The following NLGN1 variants were observed in gnomAD, a reference collection of about 807,000 sequenced individuals.
The protein encoded by NLGN1 is neuroligin 1, also known as neuroligin-1.
NLGN1 carries 12 observed loss-of-function variants against 65.5 expected under a neutral mutation model. The ratio of observed to expected loss-of-function variants is 0.18; its 90% CI spans 0.12 to 0.30. NLGN1 has a LOEUF of 0.30. NLGN1 is among the 10% of genes least tolerant of loss of function. The pLI is 1.00. For missense variants in NLGN1, 750 were observed against 1,007.1 expected (o/e 0.74, Z 3.46); for synonymous variants, 350 against 359.5 (o/e 0.97, Z 0.30).
At chr3:173,774,251 T>G (rs1415881939) in intron 3 of NLGN1, among the ~76,000 whole-genome samples, 1 of 152,224 alleles carries the variant, frequency 6.6e-6, no homozygotes, top group Non-Finnish European at 1.5e-5. Flanking sequence ...GCAAGAAATG[T>G]CAGTGGCTCA....
chr3:173,523,520 C>T (rs1735123490), intron 2 of NLGN1, among the ~76,000 whole-genome samples: 1 of 151,578 alleles, frequency 6.6e-6, no homozygotes, highest in African/African-American at 2.4e-5. Flanking sequence ...ATATCCTTTT[C>T]CCATTGTTTA....
chr3:174,116,083 C>G (rs1369500360), intron 4 of NLGN1, among the ~76,000 whole-genome samples: 1 of 152,008 alleles, frequency 6.6e-6, no homozygotes, highest in Non-Finnish European at 1.5e-5. Context: ...CATTCAATTC[C>G]CAAATCCCAT....
intron 4 of NLGN1, among the ~76,000 whole-genome samples, chr3:173,852,159 A>G (rs1727060021): frequency 6.6e-6 from 1 of 151,582 alleles, no homozygotes; most frequent in South Asian, 2.1e-4. Context: ...GATCGAGACC[A>G]TCCTGGCTAA....
chr3:174,085,454 T>A (rs1743044131), intron 4 of NLGN1, among the ~76,000 whole-genome samples: 1 of 152,052 alleles, frequency 6.6e-6, no homozygotes, highest in Non-Finnish European at 1.5e-5. Flanking sequence ...ACTTCATTCT[T>A]ACCCATTAGT....
intron 2 of NLGN1, among the ~76,000 whole-genome samples, chr3:173,517,747 AATTTATCTATCT>A (rs1219288196): frequency 8.6e-6 from 1 of 116,058 alleles, no homozygotes; most frequent in African/African-American, 3.1e-5. Flanking sequence ...TGCTTTCGCA[AATTTATCTATCT>A]ATCTATCTAT....
intron 4 of NLGN1, among the ~76,000 whole-genome samples, chr3:174,034,618 G>A (rs1730729660): frequency 6.6e-6 from 1 of 152,032 alleles, no homozygotes; most frequent in African/African-American, 2.4e-5. Flanking sequence ...TTTGAAGGTA[G>A]ACATCGATTA....
At chr3:174,143,556 A>G (rs1282547570) in intron 4 of NLGN1, among the ~76,000 whole-genome samples, 2 of 152,194 alleles carry the variant, frequency 1.3e-5, no homozygotes, top group Non-Finnish European at 2.9e-5. Context: ...CCAGCAAAAA[A>G]GACTTCTATT....
chr3:174,043,133 A>G (rs1281484764), intron 4 of NLGN1, among the ~76,000 whole-genome samples: 2 of 152,162 alleles, frequency 1.3e-5, no homozygotes, highest in African/African-American at 4.8e-5. Context: ...AGTATAAGGG[A>G]AGCTTTTCCC....
At chr3:173,661,519 G>T (rs1409682269) in intron 3 of NLGN1, among the ~76,000 whole-genome samples, 2 of 151,974 alleles carry the variant, frequency 1.3e-5, no homozygotes, top group African/African-American at 4.8e-5. Flanking sequence ...AGTGGTAAGC[G>T]AGATTATAGA....
At chr3:173,611,047 G>A (rs1021824616) in intron 3 of NLGN1, among the ~76,000 whole-genome samples, 1 of 151,954 alleles carries the variant, frequency 6.6e-6, no homozygotes, top group Non-Finnish European at 1.5e-5. Flanking sequence ...TGAATTAAAG[G>A]AAGGAACGTG....
At chr3:173,715,343 C>T (rs889840889) in intron 3 of NLGN1, among the ~76,000 whole-genome samples, 1 of 152,106 alleles carries the variant, frequency 6.6e-6, no homozygotes, top group African/African-American at 2.4e-5. Context: ...GGAATATTTC[C>T]ACTTGAAATG....
intron 4 of NLGN1, among the ~76,000 whole-genome samples, chr3:173,811,645 G>A (rs959602692): frequency 6.6e-6 from 1 of 151,550 alleles, no homozygotes; most frequent in African/African-American, 2.4e-5. Flanking sequence ...TTAAAGGGGG[G>A]AAATAATCAA....
chr3:173,485,835 A>G (rs1042981545), intron 2 of NLGN1, among the ~76,000 whole-genome samples: 1 of 152,120 alleles, frequency 6.6e-6, no homozygotes, highest in Non-Finnish European at 1.5e-5. Context: ...AAATAACAAT[A>G]TTTAGTTTTT....
At chr3:173,591,886 C>T (rs1428606983) in intron 2 of NLGN1, among the ~76,000 whole-genome samples, 1 of 152,116 alleles carries the variant, frequency 6.6e-6, no homozygotes, top group African/African-American at 2.4e-5. Flanking sequence ...TGACTTGTGA[C>T]CCAAAGGTGG....
At chr3:174,083,748 C>A (rs1421327230) in intron 4 of NLGN1, among the ~76,000 whole-genome samples, 1 of 151,952 alleles carries the variant, frequency 6.6e-6, no homozygotes, top group Non-Finnish European at 1.5e-5. Context: ...ATGCTAATAC[C>A]CGGCTAATAT....
At chr3:174,129,833 T>A (rs1045257665) in intron 4 of NLGN1, among the ~76,000 whole-genome samples, 32 of 152,224 alleles carry the variant, frequency 2.1e-4, no homozygotes, top group African/African-American at 6.5e-4. Context: ...GGGTCCTAAG[T>A]ATAATTTTTC....
At chr3:174,242,385 T>TCA (rs397804057) in intron 4 of NLGN1, among the ~76,000 whole-genome samples, 2 of 151,432 alleles carry the variant, frequency 1.3e-5, no homozygotes, top group African/African-American at 4.9e-5. Context: ...AGAGTGAGAC[T>TCA]GTCTCACAAA....
At chr3:173,488,350 T>C (rs1020734871) in intron 2 of NLGN1, among the ~76,000 whole-genome samples, 2 of 152,052 alleles carry the variant, frequency 1.3e-5, no homozygotes, top group African/African-American at 4.8e-5. Context: ...TTTTTCTCTA[T>C]GTGGACATAT....
At chr3:173,872,624 C>T (rs924146356) in intron 4 of NLGN1, among the ~76,000 whole-genome samples, 11 of 152,118 alleles carry the variant, frequency 7.2e-5, no homozygotes, top group Non-Finnish European at 1.3e-4. Context: ...CCCCACATCA[C>T]AGGATTTTTT....
Sources: gnomAD v4.1 joint callset for allele counts (sites outside exome capture counted in the v4.1 genomes callset) on GRCh38, gnomAD v4.1.1 for gene constraint, MANE v1.5 for transcripts, NCBI Gene and HGNC (gene_info 2026-07-23, HGNC 2026-07-21) for gene names.